NAE1: variants seen among roughly 807,000 people sequenced by gnomAD.
The protein encoded by NAE1 is NEDD8 activating enzyme E1 subunit 1, also known as NEDD8-activating enzyme E1 regulatory subunit.
In NAE1, 59 loss-of-function variants were observed where a neutral mutation model predicts 88.0. The ratio of observed to expected loss-of-function variants is 0.67; its 90% CI spans 0.54 to 0.83. The LOEUF is 0.83. Ranked by LOEUF, NAE1 falls within the 40% of genes least tolerant of loss-of-function variation. The probability of loss-of-function intolerance (pLI) is 0.00; values close to 1 mark genes in which losing one functional copy is unlikely to be tolerated. For missense variants in NAE1, 554 were observed against 632.8 expected (o/e 0.88, Z 1.34); for synonymous variants, 186 against 208.9 (o/e 0.89, Z 0.95).
chr16:66,810,237 T>C (rs1959737668), intron 15 of NAE1, 137 bp downstream of exon 15: 1 of 670,614 alleles, frequency 1.5e-6, no homozygotes, highest in African/African-American at 1.9e-5. Flanking sequence ...AAAAAAAACC[T>C]TACCCAATAA....
At chr16:66,817,068 T>A (rs1960072587) in intron 9 of NAE1, 40 bp from the exon 10 acceptor site, 1 of 1,566,904 alleles carries the variant, frequency 6.4e-7, no homozygotes, top group Non-Finnish European at 8.6e-7. Context: ...GTTATTAAAA[T>A]TCAAAATACA....
At chr16:66,808,437 A>G (rs1959658918) in intron 17 of NAE1, 84 bp downstream of exon 17, 1 of 955,180 alleles carries the variant, frequency 1.0e-6, no homozygotes, top group African/African-American at 1.7e-5. Context: ...AAGCAACACT[A>G]TTATAAATAC....
rs765872085 is a variant in NAE1 at position 66,823,216 on chromosome 16, T to G, written c.401+11A>C. 2.0e-6 allele frequency: 3 copies of G among 1,511,604 alleles called. No homozygotes were observed. Among genetic ancestry groups the G allele is most frequent in the Non-Finnish European group, 2.7e-6 (3 of 1,110,616 alleles). The allele number at this position is 1,511,604 out of a possible 1,614,324, so 93.6% of individuals were successfully genotyped here. ...AGATTAAAATAAAAACATATTAACATAAAAATTTACCTTTCAGGAAGCTGA... is the reference window on the plus strand; with the variant it reads ...AGATTAAAATAAAAACATATTAACAGAAAAATTTACCTTTCAGGAAGCTGA... On this transcript the variant is annotated intron_variant, in intron 6 of 19. Coordinates refer to ENST00000290810, the MANE Select transcript of NAE1 (RefSeq NM_003905.4).
chr16:66,824,988 T>G lies in NAE1; in HGVS notation c.219-103A>C, dbSNP rs979709625. ...ATTTCATTCACAGTATAAAACAAAC[T>G]ATATTGTGATTACAGACTGTAATGG... On this transcript the variant is annotated intron_variant, in intron 3 of 19. Transcript: ENST00000290810. 4 of 896,328 alleles carry G rather than the reference T, an allele frequency of 4.5e-6. No homozygotes were observed. In the African/African-American group the frequency reaches 5.1e-5, roughly 12 times the overall value. The allele number at this position is 896,328 out of a possible 1,614,324, so 55.5% of individuals were successfully genotyped here. A position where few individuals can be genotyped will look rare whatever the true frequency, so the allele number is the denominator to read the frequency against.
At chr16:66,829,857 G>GT (rs1413856073) in intron 1 of NAE1, among the ~76,000 whole-genome samples, 3 of 152,192 alleles carry the variant, frequency 2.0e-5, no homozygotes, top group Non-Finnish European at 2.9e-5. Flanking sequence ...AGATGTGCTG[G>GT]TAAGTGTAAA....
chr16:66,830,359 T>A (rs1960643442), intron 1 of NAE1, among the ~76,000 whole-genome samples: 1 of 152,278 alleles, frequency 6.6e-6, no homozygotes, highest in Non-Finnish European at 1.5e-5. Flanking sequence ...TGGGTTAAAT[T>A]GTATTTAAAA....
chr16:66,821,298 C>T (rs888689247), intron 7 of NAE1, 152 bp downstream of exon 7: 21 of 918,530 alleles, frequency 2.3e-5, no homozygotes, highest in Admixed American at 3.7e-5. Flanking sequence ...TAGATTGCAG[C>T]CTATTGAATC....
chr16:66,827,595 AT>A (rs756047964), intron 1 of NAE1: 60 of 165,956 alleles, frequency 3.6e-4, no homozygotes, highest in Non-Finnish European at 5.8e-4. Context: ...TATTAGATGC[AT>A]TTAAGTTAAG....
At position 66,803,056 on chromosome 16, in the gene NAE1, A is replaced by G; in HGVS notation, c.1558T>C (p.Tyr520His). 1.2e-6 allele frequency: 2 copies of G among 1,612,656 alleles called. No homozygotes were observed. The highest frequency in any genetic ancestry group is 1.7e-6 in the Non-Finnish European group (2 of 1,179,034). Residue 520 changes from tyrosine to histidine, a missense_variant, in exon 20 of 20, where the codon TAC (tyrosine) becomes CAC (histidine). By Grantham distance (83) the Tyr-to-His change is moderately conservative. Coordinates refer to ENST00000290810, the MANE Select transcript of NAE1 (RefSeq NM_003905.4). ...TKQFVIFNNT[Y>H]IYSGMSQTSA... The stretch of plus-strand genomic sequence containing the variant: ...GTTTGTGACATGCCACTGTAAATGT[A>G]AGTATTATTAAAAATTACAAATTGT...
chr16:66,826,085 A>G (rs1960453537), intron 3 of NAE1: 1 of 158,478 alleles, frequency 6.3e-6, no homozygotes, highest in African/African-American at 2.4e-5. Context: ...GCATGTTCTG[A>G]AAGTCTAAAT....
At chr16:66,820,943 C>T (rs1055319969) in intron 7 of NAE1, among the ~76,000 whole-genome samples, 2 of 150,578 alleles carry the variant, frequency 1.3e-5, no homozygotes, top group Non-Finnish European at 2.9e-5. Context: ...GTGGCGGGTG[C>T]CTGTAATCCC....
At chr16:66,826,347 C>A in intron 3 of NAE1, 176 bp downstream of exon 3, 1 of 599,350 alleles carries the variant, frequency 1.7e-6, no homozygotes. Context: ...TTATTAATGC[C>A]CTATTTGCCA....
chr16:66,809,823 A>T (rs1959713546), intron 15 of NAE1, among the ~76,000 whole-genome samples: 1 of 152,134 alleles, frequency 6.6e-6, no homozygotes, highest in African/African-American at 2.4e-5. Context: ...TACAGGGAGA[A>T]ATCTTCAGAT....
chr16:66,830,559 G>A (rs1036868398), intron 1 of NAE1, among the ~76,000 whole-genome samples: 1 of 152,214 alleles, frequency 6.6e-6, no homozygotes, highest in African/African-American at 2.4e-5. Flanking sequence ...GGAAAACGAG[G>A]AGCCTGGGCG....
In NAE1 at chr16:66,830,868, T is replaced by C. The variant is rs1275744953; in HGVS notation, c.32A>G (p.Gln11Arg). The C allele has an allele frequency of 3.3e-6, 5 of 1,534,688 alleles. No individual in the cohort carries two copies. The highest frequency in any genetic ancestry group is 1.4e-5 in the African/African-American group (1 of 70,000). Reference protein sequence around the residue: MAQLGKLLKEQKYDRQLRLWG... With the variant: MAQLGKLLKERKYDRQLRLWG... ...TCACCTCAGCTGCCGGTCGTACTTC[T>C]GCTCCTTGAGCAGCTTTCCCAGCTG... Residue 11 changes from glutamine (Q) to arginine (R), a missense_variant, in exon 1 of 20, where the codon CAG becomes CGG. Coordinates refer to ENST00000290810, the MANE Select transcript of NAE1 (RefSeq NM_003905.4).
At position 66,818,641 on chromosome 16, in the gene NAE1, T is replaced by G; in HGVS notation, c.512-4A>C. 1 of 1,588,854 alleles carries G rather than the reference T, an allele frequency of 6.3e-7. No individual in the cohort carries two copies. The highest frequency in any genetic ancestry group is 8.5e-7 in the Non-Finnish European group (1 of 1,173,172). ...TTATCTGGATGAGATTCTATTACTG[T>G]GAAACAAAGAATTCAAAAGGATAAA... On this transcript the variant is annotated splice_region_variant and splice_polypyrimidine_tract_variant and intron_variant, in intron 7 of 19. Coordinates refer to ENST00000290810, the MANE Select transcript of NAE1 (RefSeq NM_003905.4).
intron 4 of NAE1, chr16:66,824,429 A>AT (rs1960381049): frequency 6.5e-6 from 1 of 153,334 alleles, no homozygotes; most frequent in South Asian, 2.0e-4. Flanking sequence ...CATCTCTACT[A>AT]AAAATACAAA....
In NAE1 at chr16:66,810,707, G is replaced by A; in HGVS notation, c.1100C>T (p.Ser367Phe). ...VGNHVAKLLQSIGQAPESISE... is the reference protein window; with the variant it reads ...VGNHVAKLLQFIGQAPESISE... ...TGCCCAGTAGCTTACCTGGCCAATG[G>A]ACTGCAGCAATTTGGCAACATGATT... Residue 367 changes from serine (S) to phenylalanine (F), a missense_variant, in exon 14 of 20, where the codon TCC (serine) becomes TTC (phenylalanine). Coordinates refer to ENST00000290810, the MANE Select transcript of NAE1 (RefSeq NM_003905.4). The A allele has an allele frequency of 6.8e-6, 11 of 1,614,020 alleles. No individual in the cohort carries two copies. Among genetic ancestry groups the A allele is most frequent in the Non-Finnish European group, 9.3e-6 (11 of 1,179,882 alleles).
chr16:66,806,108 T>A, intron 17 of NAE1, 82 bp from the exon 18 acceptor site: 2 of 1,413,808 alleles, frequency 1.4e-6, no homozygotes, highest in Non-Finnish European at 1.9e-6. Flanking sequence ...TAGTTTCAGA[T>A]GTTCTAGTCA....
Sources: allele counts gnomAD v4.1 joint callset (sites outside exome capture counted in the v4.1 genomes callset), GRCh38; gene constraint gnomAD v4.1.1; transcripts MANE v1.5; gene names NCBI Gene and HGNC (gene_info 2026-07-23, HGNC 2026-07-21).